The following ZNF439 variants were observed in gnomAD, a reference collection of about 807,000 sequenced individuals.
ZNF439 encodes zinc finger protein 439.
ZNF439 carries 40 observed loss-of-function variants against 47.3 expected under a neutral mutation model. That is an observed-to-expected ratio of 0.85 (90% CI 0.66 to 1.10). ZNF439 has a LOEUF of 1.10. Among genes scored for constraint, ZNF439 ranks in the 50% least tolerant of loss-of-function variants. ZNF439 has a pLI of 0.00. For synonymous variants in ZNF439, 171 were observed against 198.8 expected (o/e 0.86, Z 1.18); for missense variants, 556 against 601.1 (o/e 0.93, Z 0.78).
At chr19:11,850,026 C>T (rs1334922217) in intron 1 of ZNF439, 1 of 152,218 alleles carries the variant, frequency 6.6e-6, no homozygotes, top group Non-Finnish European at 1.5e-5. Flanking sequence ...TTTGGGGGTT[C>T]CCTTGGCCAA....
At chr19:11,866,032 A>T in intron 1 of ZNF439, 173 bp from the exon 2 acceptor site, 2 of 1,463,464 alleles carry the variant, frequency 1.4e-6, no homozygotes, top group Non-Finnish European at 1.8e-6. Flanking sequence ...ATAAAAAAAA[A>T]AATTGCTTTA....
intron 2 of ZNF439, 103 bp downstream of exon 2, chr19:11,866,434 T>A: frequency 6.2e-7 from 1 of 1,603,184 alleles, no homozygotes; most frequent in Non-Finnish European, 8.5e-7. Flanking sequence ...AATACTTTGA[T>A]GAATAAATGA....
At position 11,867,681 on chromosome 19, in the gene ZNF439, C is replaced by T; in HGVS notation, c.627C>T (p.His209=). The stretch of plus-strand genomic sequence containing the variant: ...TTTACCATTCAAGCATTCAAAGACA[C>T]ATGGTAGTGCACAGTGGGGATGGAC... The part of the protein sequence containing the change: ...NIIYHSSIQR[H]MVVHSGDGPY... The change falls in exon 4 of 4, where the codon CAC becomes CAT. Residue 209 remains histidine, a synonymous_variant. Coordinates refer to ENST00000682736, the MANE Select transcript of ZNF439 (RefSeq NM_001348719.2). The T allele has an allele frequency of 6.2e-7, 1 of 1,614,154 alleles. No homozygotes were observed. The highest frequency in any genetic ancestry group is 8.5e-7 in the Non-Finnish European group (1 of 1,180,028).
intron 1 of ZNF439, among the ~76,000 whole-genome samples, chr19:11,862,282 A>G (rs909098231): frequency 3.3e-5 from 5 of 151,974 alleles, no homozygotes; most frequent in South Asian, 2.1e-4. Context: ...TTATTCATCT[A>G]TTGAAAGGCT....
chr19:11,863,456 G>A (rs542070332), intron 1 of ZNF439, among the ~76,000 whole-genome samples: 44 of 152,088 alleles, frequency 2.9e-4, no homozygotes, highest in African/African-American at 9.4e-4. Flanking sequence ...CACCATGCCC[G>A]GCCTTTTTAT....
In ZNF439 at chr19:11,868,901, G is replaced by A; in HGVS notation, c.*332G>A. 2.8e-6 allele frequency: 1 copy of A among 356,028 alleles called. No homozygotes were observed. 22.1% of individuals were successfully genotyped at this position (356,028 alleles called of 1,614,324 possible). A position where few individuals can be genotyped will look rare whatever the true frequency, so the allele number is the denominator to read the frequency against. On this transcript the variant is annotated 3_prime_UTR_variant, in exon 4 of 4. Transcript: ENST00000682736. The stretch of plus-strand genomic sequence containing the variant: ...GTTGCACAGAGGAGAGGCGCCCTAA[G>A]AATGTAAGCATTGTGGGAAAGCATT...
intron 1 of ZNF439, among the ~76,000 whole-genome samples, chr19:11,860,529 A>G (rs1976510381): frequency 6.6e-6 from 1 of 152,088 alleles, no homozygotes. Flanking sequence ...TTCTTCGTTC[A>G]CATCCTCAAG....
intron 1 of ZNF439, chr19:11,857,920 A>T (rs930230433): frequency 6.6e-6 from 1 of 152,156 alleles, no homozygotes; most frequent in Non-Finnish European, 1.5e-5. Flanking sequence ...TGAATAACTG[A>T]TGTAAGATTT....
chr19:11,867,573 A>C lies in ZNF439; in HGVS notation c.519A>C (p.Arg173Ser), dbSNP rs1257601390. Residue 173 changes from arginine to serine, a missense_variant, in exon 4 of 4, where the codon AGA becomes AGC. Arg to Ser is a moderately radical substitution (Grantham distance 110, BLOSUM62 -1). Coordinates refer to ENST00000682736, the MANE Select transcript of ZNF439 (RefSeq NM_001348719.2). ...GTCAACAACCTAAAAAAGCCTTCAGATATCACCCCTCCTTGAGAACACAAG... is the reference window on the plus strand; with the variant it reads ...GTCAACAACCTAAAAAAGCCTTCAGCTATCACCCCTCCTTGAGAACACAAG... ...WKSQQPKKAFRYHPSLRTQER... is the reference protein window; with the variant it reads ...WKSQQPKKAFSYHPSLRTQER... The C allele has an allele frequency of 6.2e-7, 1 of 1,614,058 alleles. No individual in the cohort carries two copies. The highest frequency in any genetic ancestry group is 8.5e-7 in the Non-Finnish European group (1 of 1,180,032).
intron 1 of ZNF439, among the ~76,000 whole-genome samples, chr19:11,859,523 A>G (rs1180841208): frequency 6.6e-6 from 1 of 152,242 alleles, no homozygotes; most frequent in Non-Finnish European, 1.5e-5. Context: ...TAAGGCGCAT[A>G]GCACCAAAAA....
chr19:11,865,712 CAAA>C (rs71166640), intron 1 of ZNF439, among the ~76,000 whole-genome samples: 2 of 82,028 alleles, frequency 2.4e-5, no homozygotes, highest in African/African-American at 1.4e-4. Context: ...TACACTATCA[CAAA>C]AAAAAAAAAA....
rs569672688 is a variant in ZNF439, at chr19:11,867,782, G to C, written c.728G>C (p.Gly243Ala). 6.8e-6 allele frequency: 11 copies of C among 1,614,128 alleles called. No individual in the cohort carries two copies. The highest frequency in any genetic ancestry group is 6.6e-5 in the South Asian group (6 of 91,088). Reference protein sequence around the residue: ...LYLIHERTHTGEKPYECKQCG... With the variant: ...LYLIHERTHTAEKPYECKQCG... The stretch of plus-strand genomic sequence containing the variant: ...CTTATCCATGAAAGAACTCACACTG[G>C]AGAGAAACCGTATGAATGTAAACAA... Residue 243 changes from glycine (G) to alanine (A), a missense_variant, in exon 4 of 4, where the codon GGA (glycine) becomes GCA (alanine). Coordinates refer to ENST00000682736, the MANE Select transcript of ZNF439 (RefSeq NM_001348719.2).
intron 1 of ZNF439, chr19:11,849,748 T>G (rs1976181750): frequency 6.6e-6 from 1 of 152,152 alleles, no homozygotes; most frequent in African/African-American, 2.4e-5. Context: ...ATCTGCCACT[T>G]CATTCCATCC....
At chr19:11,850,690 A>T (rs1976212415) in intron 1 of ZNF439, 1 of 152,216 alleles carries the variant, frequency 6.6e-6, no homozygotes, top group Non-Finnish European at 1.5e-5. Context: ...TCACACAGGA[A>T]GGAATTCAAG....
intron 1 of ZNF439, chr19:11,850,742 T>A (rs1452654130): frequency 6.6e-6 from 1 of 152,230 alleles, no homozygotes; most frequent in Non-Finnish European, 1.5e-5. Flanking sequence ...TATTGAAAGC[T>A]ACTCTGGGCC....
intron 1 of ZNF439, chr19:11,858,445 G>A (rs1416471598): frequency 3.4e-5 from 5 of 147,634 alleles, no homozygotes; most frequent in African/African-American, 7.6e-5. Flanking sequence ...CAGCCTGGGC[G>A]ACAGAGCGAG....
intron 1 of ZNF439, among the ~76,000 whole-genome samples, chr19:11,861,460 C>T (rs1976538970): frequency 6.6e-6 from 1 of 152,094 alleles, no homozygotes; most frequent in Admixed American, 6.5e-5. Flanking sequence ...GTGGGGCCTC[C>T]CAAGGGAGCA....
At chr19:11,866,023 T>TAA (rs111347788) in intron 1 of ZNF439, 182 bp from the exon 2 acceptor site, 71 of 1,193,292 alleles carry the variant, frequency 5.9e-5, no homozygotes, top group Non-Finnish European at 6.7e-5. Context: ...CTCAAAAAAA[T>TAA]AAAAAAAAAA....
Position 11,848,909 on chromosome 19 carries a change from T to G in ZNF439, c.42T>G (p.Gly14=). The part of the protein sequence containing the change: ...FTHRSCREDP[G]TSESREMDPV... ...ACAGGAGCTGTAGAGAGGACCCCGG[T>G]ACATCTGAAAGCCGGGAAATGGTGC... is the stretch of plus-strand genomic sequence containing the variant. Residue 14 remains glycine, a synonymous_variant, in exon 1 of 4, where the codon GGT becomes GGG. Coordinates refer to ENST00000682736, the MANE Select transcript of ZNF439 (RefSeq NM_001348719.2). 6.4e-7 allele frequency: 1 copy of G among 1,571,486 alleles called. No homozygotes were observed. Among genetic ancestry groups the G allele is most frequent in the Admixed American group, 1.7e-5 (1 of 58,484 alleles).
Sources: gnomAD v4.1 joint callset for allele counts (sites outside exome capture counted in the v4.1 genomes callset) on GRCh38, gnomAD v4.1.1 for gene constraint, MANE v1.5 for transcripts, NCBI Gene and HGNC (gene_info 2026-07-23, HGNC 2026-07-21) for gene names.